Variants in STAG1 observed in about 807,000 individuals in gnomAD.
The protein encoded by STAG1 is cohesin subunit SA-1.
In STAG1, 26 loss-of-function variants were observed where a neutral mutation model predicts 170.9. The ratio of observed to expected loss-of-function variants is 0.15; its 90% CI spans 0.11 to 0.21. STAG1 has a LOEUF of 0.21. Among genes scored for constraint, STAG1 ranks in the 10% least tolerant of loss-of-function variants. The pLI, the probability that STAG1 is intolerant of heterozygous loss-of-function variation, is 1.00. For missense variants in STAG1, 964 were observed against 1,509.5 expected (o/e 0.64, Z 5.99); for synonymous variants, 514 against 497.7 (o/e 1.03, Z -0.44).
At chr3:136,390,058 C>T (rs927020502) in intron 22 of STAG1, among the ~76,000 whole-genome samples, 5 of 152,034 alleles carry the variant, frequency 3.3e-5, no homozygotes, top group Non-Finnish European at 5.9e-5. Flanking sequence ...CTCTTGAACT[C>T]CTGACCTTGT....
chr3:136,544,535 G>A (rs1167244029), intron 5 of STAG1, among the ~76,000 whole-genome samples: 1 of 152,030 alleles, frequency 6.6e-6, no homozygotes, highest in Non-Finnish European at 1.5e-5. Context: ...GGTTGAGGTG[G>A]GCAGACTGCT....
chr3:136,538,960 C>G (rs1247963370), intron 6 of STAG1, among the ~76,000 whole-genome samples: 1 of 151,964 alleles, frequency 6.6e-6, no homozygotes, highest in East Asian at 1.9e-4. Context: ...CGGTGAAACC[C>G]CGTCTCTACT....
At chr3:136,494,427 T>C (rs1193251940) in intron 9 of STAG1, among the ~76,000 whole-genome samples, 3 of 152,202 alleles carry the variant, frequency 2.0e-5, no homozygotes, top group East Asian at 3.8e-4. Context: ...CAATCCTTCA[T>C]AAATTCTTTC....
chr3:136,442,765 T>C (rs1237214260), intron 15 of STAG1, among the ~76,000 whole-genome samples: 2 of 151,936 alleles, frequency 1.3e-5, no homozygotes, highest in African/African-American at 4.8e-5. Flanking sequence ...TTTGGCCAGG[T>C]GCAGTGGCTC....
chr3:136,653,604 C>T (rs1416546418), intron 1 of STAG1, among the ~76,000 whole-genome samples: 1 of 152,160 alleles, frequency 6.6e-6, no homozygotes, highest in Non-Finnish European at 1.5e-5. Flanking sequence ...CTCTTAACCC[C>T]ATTTTACAAA....
chr3:136,485,067 G>GGAGCTGTTCACCA (rs1202550901), intron 9 of STAG1, among the ~76,000 whole-genome samples: 2 of 152,176 alleles, frequency 1.3e-5, no homozygotes, highest in African/African-American at 2.4e-5. Context: ...GCTGTAGACC[G>GGAGCTGTTCACCA]GAGCTGTTCC....
chr3:136,542,326 A>G (rs376009539), intron 5 of STAG1, 131 bp from the exon 6 acceptor site: 1 of 672,680 alleles, frequency 1.5e-6, no homozygotes, highest in Non-Finnish European at 2.5e-6. Context: ...TTATATTAAA[A>G]CATAAAATGT....
chr3:136,668,945 C>G (rs563768965), intron 1 of STAG1, among the ~76,000 whole-genome samples: 1 of 152,224 alleles, frequency 6.6e-6, no homozygotes, highest in Non-Finnish European at 1.5e-5. Context: ...AATTTTCCAA[C>G]TATGCTTGCT....
At chr3:136,464,242 G>A (rs910524383) in intron 13 of STAG1, among the ~76,000 whole-genome samples, 2 of 151,794 alleles carry the variant, frequency 1.3e-5, no homozygotes, top group Admixed American at 1.3e-4. Context: ...TGACCAACAT[G>A]GAGAAACCCT....
intron 3 of STAG1, among the ~76,000 whole-genome samples, chr3:136,621,122 G>A (rs1939831939): frequency 6.6e-6 from 1 of 151,766 alleles, no homozygotes; most frequent in South Asian, 2.1e-4. Flanking sequence ...GACAGAGTAA[G>A]GTTCCGTCTC....
intron 7 of STAG1, among the ~76,000 whole-genome samples, chr3:136,503,699 A>G (rs1209350705): frequency 6.6e-6 from 1 of 152,160 alleles, no homozygotes; most frequent in African/African-American, 2.4e-5. Flanking sequence ...TATCCATATA[A>G]TTAAAAACAA....
chr3:136,413,267 C>T (rs1208770681), intron 21 of STAG1, among the ~76,000 whole-genome samples: 5 of 147,662 alleles, frequency 3.4e-5, no homozygotes, highest in Admixed American at 1.4e-4. Context: ...TCGTATATTA[C>T]ATATCGTATA....
chr3:136,712,404 T>C (rs867741361), intron 1 of STAG1, among the ~76,000 whole-genome samples: 2 of 152,090 alleles, frequency 1.3e-5, no homozygotes, highest in African/African-American at 4.8e-5. Context: ...GTAACCTACT[T>C]AAACTGACAA....
intron 23 of STAG1, among the ~76,000 whole-genome samples, chr3:136,371,734 T>C (rs1321473415): frequency 1.3e-5 from 2 of 152,188 alleles, no homozygotes; most frequent in Non-Finnish European, 2.9e-5. Flanking sequence ...TTGGTACCAG[T>C]ACCATGCTGT....
At chr3:136,608,797 C>CAAAAAAAAAAAAA (rs34993713) in intron 3 of STAG1, among the ~76,000 whole-genome samples, 1 of 79,192 alleles carries the variant, frequency 1.3e-5, no homozygotes, top group Non-Finnish European at 2.4e-5. Context: ...GACCCTATCT[C>CAAAAAAAAAAAAA]AAAAAAAAAA....
chr3:136,426,767 C>A (rs1293112714), intron 16 of STAG1, among the ~76,000 whole-genome samples: 1 of 151,994 alleles, frequency 6.6e-6, no homozygotes, highest in Non-Finnish European at 1.5e-5. Flanking sequence ...AATGAAACCC[C>A]ATCTCTACTA....
chr3:136,420,534 A>G lies in STAG1; in HGVS notation c.2108+559T>C, dbSNP rs373547318. Among the ~76,000 whole-genome samples the G allele has an allele frequency of 2.0e-4, 31 of 152,252 alleles. No homozygotes were observed. The South Asian group carries it at 5.4e-3, about 27-fold the overall frequency. On this transcript the variant is annotated intron_variant, in intron 20 of 33. Coordinates refer to ENST00000383202, the MANE Select transcript of STAG1 (RefSeq NM_005862.3). The stretch of plus-strand genomic sequence containing the variant: ...ATTGTTATTAATGTCAAACACAACA[A>G]TCAGTCAGTGTATGTTGGCTGTTAC...
intron 12 of STAG1, among the ~76,000 whole-genome samples, chr3:136,466,190 C>T (rs1050761402): frequency 2.0e-5 from 3 of 151,968 alleles, no homozygotes; most frequent in Non-Finnish European, 4.4e-5. Context: ...AGGCTACAGA[C>T]GATCAAACTT....
intron 28 of STAG1, among the ~76,000 whole-genome samples, chr3:136,350,832 T>TG (rs1323710898): frequency 1.1e-4 from 17 of 152,072 alleles, no homozygotes; most frequent in African/African-American, 4.1e-4. Context: ...GAGATCCTGA[T>TG]GGAGTGAAAA....
Sources: allele counts gnomAD v4.1 joint callset (sites outside exome capture counted in the v4.1 genomes callset), GRCh38; gene constraint gnomAD v4.1.1; transcripts MANE v1.5; gene names NCBI Gene and HGNC (gene_info 2026-07-23, HGNC 2026-07-21).